INTS7: variants seen among roughly 807,000 people sequenced by gnomAD.
INTS7 encodes the protein integrator complex subunit 7.
A neutral mutation model predicts 109.2 loss-of-function variants in INTS7; 46 were observed. The ratio of observed to expected loss-of-function variants is 0.42; its 90% CI spans 0.33 to 0.54. The LOEUF (loss-of-function observed/expected upper bound fraction) is 0.54, where lower values mean the gene tolerates loss of function less well. Among genes scored for constraint, INTS7 ranks in the 20% least tolerant of loss-of-function variants. The pLI is 0.07. For synonymous variants in INTS7, 412 were observed against 402.9 expected, an observed-to-expected ratio of 1.02 and a Z score of -0.27; for missense variants, 929 against 1,132.4, an observed-to-expected ratio of 0.82 and a Z score of 2.58.
chr1:212,031,776 G>T (rs1171545630), intron 1 of INTS7, among the ~76,000 whole-genome samples: 7 of 152,202 alleles, frequency 4.6e-5, no homozygotes, highest in Admixed American at 1.3e-4. Flanking sequence ...TAATGGAATT[G>T]AGTCAGCTTC....
rs1289230369 is a variant in INTS7 at position 212,021,124 on chromosome 1, G to T, written c.183C>A (p.Ile61=). The part of the protein sequence containing the change: ...LFQKYPFPIL[I]NSAFLKLADV... Reference sequence around the variant, plus strand: ...CAGCTAACTTTAGGAATGCAGAATTGATAAGAATAGGGAATGGATACTTCT... The same window carrying T: ...CAGCTAACTTTAGGAATGCAGAATTTATAAGAATAGGGAATGGATACTTCT... The change falls in exon 2 of 20, where the codon ATC becomes ATA. Residue 61 remains isoleucine (I), a synonymous_variant. Coordinates refer to ENST00000366994, the MANE Select transcript of INTS7 (RefSeq NM_015434.4). The T allele has an allele frequency of 1.2e-6, 2 of 1,611,348 alleles. No homozygotes were observed. The highest frequency in any genetic ancestry group is 1.1e-5 in the South Asian group (1 of 90,720).
chr1:211,973,550 C>G (rs1664271817), intron 13 of INTS7, among the ~76,000 whole-genome samples: 1 of 152,080 alleles, frequency 6.6e-6, no homozygotes, highest in South Asian at 2.1e-4. Context: ...TCATTCACAT[C>G]AGTAAGTTAA....
Position 211,953,404 on chromosome 1 carries a change from TTTA to T in INTS7, c.2184-706_2184-704del, listed in dbSNP as rs200463165. Among the ~76,000 whole-genome samples, 92 of 152,230 alleles carry T rather than the reference TTTA, an allele frequency of 6.0e-4. 2 individuals carry two copies. The East Asian group carries it at 0.014, about 24-fold the overall frequency. ...TTTTTTTAACTTATTATTTTTTAAT[TTTA>T]TTATCATTATACTTTAAGTTTTAGG... On this transcript the variant is annotated intron_variant, in intron 16 of 19. Transcript: ENST00000366994.
intron 15 of INTS7, 112 bp downstream of exon 15, chr1:211,967,766 A>C (rs969514942): frequency 3.2e-6 from 2 of 617,708 alleles, no homozygotes; most frequent in East Asian, 3.2e-5. Context: ...CTATATAATA[A>C]ATTTATAGGG....
intron 13 of INTS7, among the ~76,000 whole-genome samples, chr1:211,969,278 G>A (rs1477372135): frequency 6.7e-6 from 1 of 148,370 alleles, no homozygotes; most frequent in East Asian, 2.0e-4. Flanking sequence ...GAACGAGACT[G>A]TCTCAAAAAA....
At chr1:211,970,207 G>A (rs1664109523) in intron 13 of INTS7, among the ~76,000 whole-genome samples, 1 of 152,182 alleles carries the variant, frequency 6.6e-6, no homozygotes, top group Non-Finnish European at 1.5e-5. Context: ...AGGGGTATCA[G>A]GGGTAAGTCT....
At position 212,025,856 on chromosome 1, in the gene INTS7, A is replaced by T. The variant is rs963863131; in HGVS notation, c.95-4644T>A. On this transcript the variant is annotated intron_variant, in intron 1 of 19. Transcript: ENST00000366994. ...TGTCCAGTAACCTTTGATTATTCTT[A>T]AAAAAAACAACAAAGGAGGCCAGGC... Among the ~76,000 whole-genome samples, 4 of 143,782 alleles carry T rather than the reference A, an allele frequency of 2.8e-5. No individual in the cohort carries two copies. In the Admixed American group the frequency reaches 3.2e-4, roughly 11 times the overall value. The allele number at this position is 143,782 out of a possible 152,430, so 94.3% of individuals were successfully genotyped here.
chr1:211,953,105 G>A (rs1663182117), intron 16 of INTS7, among the ~76,000 whole-genome samples: 1 of 152,184 alleles, frequency 6.6e-6, no homozygotes, highest in South Asian at 2.1e-4. Context: ...AGAACATGGA[G>A]GAATGTCACA....
At chr1:211,978,966 A>T (rs1039822005) in intron 10 of INTS7, among the ~76,000 whole-genome samples, 5 of 152,314 alleles carry the variant, frequency 3.3e-5, no homozygotes, top group African/African-American at 1.2e-4. Flanking sequence ...GAGGTTTCAC[A>T]GTTTTAAAAA....
chr1:212,016,766 C>G, intron 4 of INTS7, 120 bp downstream of exon 4: 1 of 762,222 alleles, frequency 1.3e-6, no homozygotes, highest in South Asian at 1.8e-5. Flanking sequence ...TTGGAAAACA[C>G]ACCTTGTAAT....
chr1:211,997,308 G>A (rs1300807170), intron 7 of INTS7, among the ~76,000 whole-genome samples: 3 of 152,058 alleles, frequency 2.0e-5, no homozygotes, highest in African/African-American at 7.2e-5. Flanking sequence ...ACTTTGAGAG[G>A]CTGACGTGGG....
chr1:212,035,500 A>C lies in INTS7; in HGVS notation c.-63T>G. 2.5e-6 allele frequency: 3 copies of C among 1,212,276 alleles called. No individual in the cohort carries two copies. The highest frequency in any genetic ancestry group is 3.7e-6 in the Non-Finnish European group (3 of 815,058). The allele number at this position is 1,212,276 out of a possible 1,614,324, so 75.1% of individuals were successfully genotyped here. On this transcript the variant is annotated 5_prime_UTR_variant, in exon 1 of 20. The change abolishes an upstream ATG in the 5' untranslated region. Coordinates refer to ENST00000366994, the MANE Select transcript of INTS7 (RefSeq NM_015434.4). ...TTGCAAACTCTACCCCAGGACCGCC[A>C]TCTTCCCCCGCCGCCTTCTTGCTGG...
intron 16 of INTS7, among the ~76,000 whole-genome samples, chr1:211,958,268 T>C (rs894677105): frequency 2.0e-5 from 3 of 152,184 alleles, no homozygotes; most frequent in Non-Finnish European, 2.9e-5. Context: ...TTGTATGGTA[T>C]TTTTCCTGAA....
intron 5 of INTS7, among the ~76,000 whole-genome samples, chr1:212,008,825 T>C (rs181501371): frequency 6.6e-6 from 1 of 152,322 alleles, no homozygotes; most frequent in Admixed American, 6.5e-5. Flanking sequence ...TATTAGCAAA[T>C]CTTATTGGTT....
chr1:212,004,559 T>A (rs1665820875), intron 7 of INTS7, among the ~76,000 whole-genome samples: 2 of 152,206 alleles, frequency 1.3e-5, no homozygotes, highest in Non-Finnish European at 2.9e-5. Context: ...AACATGTTCA[T>A]GCACTGGAAG....
intron 7 of INTS7, among the ~76,000 whole-genome samples, chr1:211,997,528 G>GAA (rs71137714): frequency 0.01 from 615 of 58,676 alleles, 18 homozygotes; most frequent in Middle Eastern, 0.014. Flanking sequence ...TCTCCAAACA[G>GAA]AAAAAAAAAA....
At chr1:212,016,129 A>G (rs1427068797) in intron 4 of INTS7, among the ~76,000 whole-genome samples, 1 of 152,156 alleles carries the variant, frequency 6.6e-6, no homozygotes, top group Non-Finnish European at 1.5e-5. Flanking sequence ...GTTGCTTCTC[A>G]TTTCTTTTGT....
In INTS7 at chr1:211,942,022, A is replaced by T; in HGVS notation, c.2691T>A (p.Ala897=). The T allele has an allele frequency of 6.2e-7, 1 of 1,614,222 alleles. No homozygotes were observed. Among genetic ancestry groups the T allele is most frequent in the Non-Finnish European group, 8.5e-7 (1 of 1,180,042 alleles). The change falls in exon 20 of 20, where the codon GCT becomes GCA. Residue 897 remains alanine (A), a synonymous_variant. Coordinates refer to ENST00000366994, the MANE Select transcript of INTS7 (RefSeq NM_015434.4). The surrounding 1 kb of genome is among the most constrained non-coding windows in gnomAD (Gnocchi z 4.2). ...YFSTQFLLNF[A]ILGTHNITVE... The stretch of plus-strand genomic sequence containing the variant: ...CTGTAATGTTGTGTGTTCCAAGGAT[A>T]GCAAAGTTCAACAGAAATTGAGTAC...
At chr1:212,029,340 C>G (rs6666948) in intron 1 of INTS7, among the ~76,000 whole-genome samples, 6 of 152,090 alleles carry the variant, frequency 3.9e-5, no homozygotes, top group African/African-American at 1.4e-4. Flanking sequence ...CCAGATGCAA[C>G]AATTAGCTCT....
Sources: allele counts gnomAD v4.1 joint callset (sites outside exome capture counted in the v4.1 genomes callset), GRCh38; gene constraint gnomAD v4.1.1; non-coding constraint Gnocchi (gnomAD v3.1); transcripts MANE v1.5; gene names NCBI Gene and HGNC (gene_info 2026-07-23, HGNC 2026-07-21).